ATF2: variants seen among roughly 807,000 people sequenced by gnomAD.
ATF2 encodes cyclic AMP-dependent transcription factor ATF-2.
In ATF2, 24 loss-of-function variants were observed where a neutral mutation model predicts 60.6. The observed-to-expected ratio is 0.40, with a 90% confidence interval of 0.29 to 0.56. The LOEUF is 0.56. ATF2 is among the 20% of genes least tolerant of loss of function. The probability of loss-of-function intolerance (pLI) is 0.54; values close to 1 mark genes in which losing one functional copy is unlikely to be tolerated. For missense variants in ATF2, 433 were observed against 607.7 expected (o/e 0.71, Z 3.02); for synonymous variants, 206 against 215.4 (o/e 0.96, Z 0.38).
At chr2:175,167,026 A>G (rs991458940) in intron 1 of ATF2, among the ~76,000 whole-genome samples, 1 of 152,230 alleles carries the variant, frequency 6.6e-6, no homozygotes, top group African/African-American at 2.4e-5. Context: ...TTCTTTCACT[A>G]AAATTTCTGA....
rs1312838538 is a variant in ATF2 at position 175,123,191 on chromosome 2, A to AGTG, written c.103-1654_103-1652dup. Among the ~76,000 whole-genome samples the AGTG allele has an allele frequency of 6.6e-5, 10 of 152,210 alleles. No homozygotes were observed. The East Asian group carries it at 1.9e-3, about 29-fold the overall frequency. Reference sequence around the variant, plus strand: ...CCCCAATTTTGGAGAAATAAGAAACAGTGGTACTTTTGACAGATTGCTGAA... The same window carrying AGTG: ...CCCCAATTTTGGAGAAATAAGAAACAGTGGTGGTACTTTTGACAGATTGCTGAA... On this transcript the variant is annotated intron_variant, in intron 4 of 13. Transcript: ENST00000264110.
chr2:175,131,146 A>G (rs879859349), intron 3 of ATF2, among the ~76,000 whole-genome samples: 7 of 152,204 alleles, frequency 4.6e-5, no homozygotes, highest in Non-Finnish European at 8.8e-5. Flanking sequence ...TGTGTTAACA[A>G]AAGTTTTATT....
intron 11 of ATF2, 80 bp from the exon 12 acceptor site, chr2:175,093,347 G>A (rs1051407514): frequency 4.4e-6 from 6 of 1,376,588 alleles, no homozygotes; most frequent in Middle Eastern, 1.8e-4. Flanking sequence ...GTGTCAAAGG[G>A]GGAGAGCAAC....
chr2:175,109,168 T>TCAA (rs746681708), intron 10 of ATF2, among the ~76,000 whole-genome samples: 1 of 82,608 alleles, frequency 1.2e-5, no homozygotes, highest in Non-Finnish European at 2.2e-5. Context: ...GAATGATCAA[T>TCAA]AAAAAAAAAA....
Position 175,119,975 on chromosome 2 carries a change from C to T in ATF2, c.199+1469G>A, listed in dbSNP as rs542585040. Reference sequence around the variant, plus strand: ...GCTACTGATCACCAAAAATATACCACACACATCATGCATTTTATTTGCATA... The same window carrying T: ...GCTACTGATCACCAAAAATATACCATACACATCATGCATTTTATTTGCATA... On this transcript the variant is annotated intron_variant, in intron 5 of 13. Coordinates refer to ENST00000264110, the MANE Select transcript of ATF2 (RefSeq NM_001880.4). Among the ~76,000 whole-genome samples the T allele has an allele frequency of 2.1e-4, 32 of 151,708 alleles. No homozygotes were observed. In the South Asian group the frequency reaches 6.2e-3, roughly 29 times the overall value.
intron 10 of ATF2, among the ~76,000 whole-genome samples, chr2:175,110,170 A>G (rs1052880742): frequency 1.3e-5 from 2 of 152,078 alleles, no homozygotes; most frequent in African/African-American, 4.8e-5. Flanking sequence ...ACCCGTCTCT[A>G]CTAAAAATAC....
intron 10 of ATF2, among the ~76,000 whole-genome samples, chr2:175,103,554 G>C (rs1695447263): frequency 6.6e-6 from 1 of 151,872 alleles, no homozygotes. Flanking sequence ...GCCCAACCAA[G>C]TTAATGTAGG....
chr2:175,108,100 G>A (rs535606818), intron 10 of ATF2, among the ~76,000 whole-genome samples: 5,933 of 151,780 alleles, frequency 0.039, 131 homozygotes, highest in Admixed American at 0.093. Flanking sequence ...CTTCCCGGCC[G>A]CCATCCCATC....
At chr2:175,123,941 T>G (rs1697141864) in intron 4 of ATF2, among the ~76,000 whole-genome samples, 2 of 152,040 alleles carry the variant, frequency 1.3e-5, no homozygotes, top group Non-Finnish European at 2.9e-5. Context: ...AACAAGAAAC[T>G]TAAGACCGTG....
intron 8 of ATF2, 21 bp downstream of exon 8, chr2:175,114,669 T>C (rs761101885): frequency 5.0e-6 from 8 of 1,604,392 alleles, no homozygotes; most frequent in Non-Finnish European, 6.8e-6. Flanking sequence ...ATATGTTCAA[T>C]GATTGGCCTG....
At chr2:175,119,944 C>T (rs1481614309) in intron 5 of ATF2, among the ~76,000 whole-genome samples, 29 of 151,646 alleles carry the variant, frequency 1.9e-4, no homozygotes, top group Non-Finnish European at 1.0e-4. Context: ...ATGCACATTG[C>T]ATATGGCTAC....
intron 10 of ATF2, among the ~76,000 whole-genome samples, chr2:175,107,086 C>T (rs1432736242): frequency 6.6e-6 from 1 of 152,096 alleles, no homozygotes; most frequent in African/African-American, 2.4e-5. Context: ...GATCATGCCA[C>T]AACACTCCAG....
intron 12 of ATF2, chr2:175,092,639 C>T (rs781113515): frequency 5.3e-5 from 23 of 434,382 alleles, no homozygotes; most frequent in Non-Finnish European, 8.8e-5. Context: ...CAAAACAGAA[C>T]AAAATTTATA....
chr2:175,131,875 A>T (rs962082902), intron 3 of ATF2, among the ~76,000 whole-genome samples: 6 of 152,212 alleles, frequency 3.9e-5, no homozygotes, highest in Non-Finnish European at 8.8e-5. Context: ...AAACTGAGAA[A>T]TTCTAAAAAT....
chr2:175,145,664 G>C (rs1296339025), intron 2 of ATF2, among the ~76,000 whole-genome samples: 1 of 152,144 alleles, frequency 6.6e-6, no homozygotes. Context: ...TTGAAGAATT[G>C]GCTGATTCTA....
Position 175,074,819 on chromosome 2 carries a change from A to G in ATF2, c.1308T>C (p.Asp436=). Residue 436 remains aspartate (D), a synonymous_variant, in exon 14 of 14, where the codon GAT becomes GAC. Coordinates refer to ENST00000264110, the MANE Select transcript of ATF2 (RefSeq NM_001880.4). The part of the protein sequence containing the change: ...KSGYHTADKD[D]SSEDISVPSS... ...TCGGCACTGAAATGTCTTCTGAACT[A>G]TCATCTTTATCAGCAGCTGGGTGGA... 1 of 1,613,454 alleles carries G rather than the reference A, an allele frequency of 6.2e-7. No homozygotes were observed. The highest frequency in any genetic ancestry group is 8.5e-7 in the Non-Finnish European group (1 of 1,179,596).
chr2:175,109,861 C>A (rs530379427), intron 10 of ATF2, among the ~76,000 whole-genome samples: 1 of 152,278 alleles, frequency 6.6e-6, no homozygotes, highest in Admixed American at 6.5e-5. Flanking sequence ...CCTGAACATA[C>A]TATGATGTGA....
intron 10 of ATF2, among the ~76,000 whole-genome samples, chr2:175,104,046 CTTT>C (rs36010749): frequency 2.1e-5 from 3 of 142,386 alleles, no homozygotes; most frequent in Admixed American, 7.0e-5. Context: ...ACTCTGAAGA[CTTT>C]TTTTTTTTTT....
chr2:175,136,547 A>C, intron 2 of ATF2, 61 bp from the exon 3 acceptor site: 1 of 1,092,762 alleles, frequency 9.2e-7, no homozygotes, highest in Non-Finnish European at 1.4e-6. Context: ...TTGAAACAGT[A>C]GAAAATAAAG....
Sources: allele counts gnomAD v4.1 joint callset (sites outside exome capture counted in the v4.1 genomes callset), GRCh38; gene constraint gnomAD v4.1.1; transcripts MANE v1.5; gene names NCBI Gene and HGNC (gene_info 2026-07-23, HGNC 2026-07-21).